HAUS4: variants seen among roughly 807,000 people sequenced by gnomAD.
HAUS4 encodes HAUS augmin-like complex subunit 4.
HAUS4 carries 34 observed loss-of-function variants against 50.6 expected under a neutral mutation model. The observed-to-expected ratio is 0.67, with a 90% CI of 0.51 to 0.90. HAUS4 has a LOEUF of 0.90. Among genes scored for constraint, HAUS4 ranks in the 40% least tolerant of loss-of-function variants. The pLI is 0.00. For missense variants in HAUS4, 370 were observed against 428.7 expected (o/e 0.86, Z 1.21); for synonymous variants, 149 against 161.4 (o/e 0.92, Z 0.58).
chr14:22,954,720 C>T (rs1235145890), intron 2 of HAUS4: 2 of 161,532 alleles, frequency 1.2e-5, no homozygotes, highest in African/African-American at 4.9e-5. Context: ...ACTGGGGAAA[C>T]TTATAAATCC....
At chr14:22,956,500 G>T (rs2044867205) in intron 1 of HAUS4, among the ~76,000 whole-genome samples, 1 of 152,234 alleles carries the variant, frequency 6.6e-6, no homozygotes, top group East Asian at 1.9e-4. Context: ...CCCCCCCTAG[G>T]GTAAGTGTCC....
chr14:22,950,643 C>T (rs528161711), intron 5 of HAUS4, among the ~76,000 whole-genome samples: 4 of 152,282 alleles, frequency 2.6e-5, no homozygotes, highest in Non-Finnish European at 5.9e-5. Flanking sequence ...TTCTGGATAG[C>T]AGTTTGGCAT....
At chr14:22,951,733 CTT>C (rs770403769) in intron 4 of HAUS4, 44 bp from the exon 5 acceptor site, 2 of 1,552,502 alleles carry the variant, frequency 1.3e-6, no homozygotes, top group Non-Finnish European at 1.7e-6. Context: ...AACTATAAAA[CTT>C]CTCCCACTCC....
At chr14:22,952,743 A>AT (rs1390062991) in intron 2 of HAUS4, 60 bp from the exon 3 acceptor site, 2 of 1,309,402 alleles carry the variant, frequency 1.5e-6, no homozygotes, top group African/African-American at 2.9e-5. Context: ...CTTACTTTAC[A>AT]TAACTGAGCA....
At chr14:22,953,514 C>T (rs1287538460) in intron 2 of HAUS4, among the ~76,000 whole-genome samples, 2 of 152,136 alleles carry the variant, frequency 1.3e-5, no homozygotes, top group Non-Finnish European at 2.9e-5. Flanking sequence ...GGCGTGATCT[C>T]GGCTCACTGC....
In HAUS4 at chr14:22,951,577, A is replaced by G; in HGVS notation, c.443T>C (p.Leu148Pro). ...AACCTCTGAGAGTGGCATGAGTTCCAGAAGGTCCGCTTTCTCCAGCCCCAG... is the reference window on the plus strand; with the variant it reads ...AACCTCTGAGAGTGGCATGAGTTCCGGAAGGTCCGCTTTCTCCAGCCCCAG... ...PLLGLEKADLLELMPLSEDFV... is the reference protein window; with the variant it reads ...PLLGLEKADLPELMPLSEDFV... Residue 148 changes from leucine (L) to proline (P), a missense_variant, in exon 5 of 10, where the codon CTG becomes CCG. Coordinates refer to ENST00000541587, the MANE Select transcript of HAUS4 (RefSeq NM_001166269.2). 1 of 1,614,038 alleles carries G rather than the reference A, an allele frequency of 6.2e-7. No individual in the cohort carries two copies. Among genetic ancestry groups the G allele is most frequent in the African/African-American group, 1.3e-5 (1 of 75,026 alleles).
At chr14:22,947,276 G>T in intron 8 of HAUS4, 37 bp from the exon 9 acceptor site, 1 of 1,389,674 alleles carries the variant, frequency 7.2e-7, no homozygotes, top group Non-Finnish European at 1.0e-6. Context: ...AGGCAGGAAG[G>T]TCCCTGATAG....
At chr14:22,947,835 A>T (rs754395106) in intron 7 of HAUS4, 33 bp downstream of exon 7, 113 of 1,611,228 alleles carry the variant, frequency 7.0e-5, no homozygotes, top group Non-Finnish European at 9.5e-5. Flanking sequence ...GGGTCAGGAT[A>T]AAGGAAAGGG....
At chr14:22,951,817 T>C (rs2044758455) in intron 4 of HAUS4, 128 bp from the exon 5 acceptor site, 2 of 787,366 alleles carry the variant, frequency 2.5e-6, no homozygotes, top group East Asian at 2.6e-5. Context: ...CCCCCTCAGA[T>C]AACTCAGCTG....
chr14:22,953,821 G>A (rs561885388), intron 2 of HAUS4, among the ~76,000 whole-genome samples: 12 of 150,474 alleles, frequency 8.0e-5, no homozygotes, highest in East Asian at 3.9e-4. Context: ...TAGTAGAGGC[G>A]GGGTTTCACC....
chr14:22,951,483 A>G, intron 5 of HAUS4, 72 bp downstream of exon 5: 4 of 1,550,632 alleles, frequency 2.6e-6, no homozygotes, highest in Non-Finnish European at 3.5e-6. Flanking sequence ...AAGCTTGACA[A>G]AAAAAACATT....
In HAUS4 at chr14:22,948,014, C is replaced by T. The variant is rs1239789912; in HGVS notation, c.563-1G>A. On this transcript the variant is annotated splice_acceptor_variant, in intron 6 of 9. Transcript: ENST00000541587. LOFTEE classifies it high-confidence loss of function. ...GCCTTCACGGTTTCACTGTCAGCAT[C>T]TGAGCAAAGGGGCAGAGGACTGACA... 6.2e-7 allele frequency: 1 copy of T among 1,606,776 alleles called. No individual in the cohort carries two copies. The highest frequency in any genetic ancestry group is 1.3e-5 in the African/African-American group (1 of 74,690).
intron 6 of HAUS4, among the ~76,000 whole-genome samples, chr14:22,949,226 C>T (rs542039637): frequency 6.7e-4 from 100 of 148,740 alleles, no homozygotes; most frequent in Admixed American, 4.1e-4. Flanking sequence ...TTATTATTTT[C>T]GTAAAAATGA....
chr14:22,946,815 G>A (rs545325779), intron 9 of HAUS4, 107 bp from the exon 10 acceptor site: 973 of 722,950 alleles, frequency 1.3e-3, no homozygotes, highest in Non-Finnish European at 1.6e-3. Context: ...ATGGAGTCTC[G>A]CTCTGTCACC....
chr14:22,953,148 A>C (rs980460269), intron 2 of HAUS4, among the ~76,000 whole-genome samples: 1 of 151,888 alleles, frequency 6.6e-6, no homozygotes, highest in Non-Finnish European at 1.5e-5. Flanking sequence ...TCAACTAACC[A>C]ATTTTTTTTT....
intron 6 of HAUS4, 21 bp from the exon 7 acceptor site, chr14:22,948,034 C>A (rs1168564503): frequency 1.3e-6 from 2 of 1,587,846 alleles, no homozygotes; most frequent in Admixed American, 1.8e-5. Context: ...GGGCAGAGGA[C>A]TGACAGGAAA....
At chr14:22,949,202 T>G (rs529361455) in intron 6 of HAUS4, among the ~76,000 whole-genome samples, 6 of 146,522 alleles carry the variant, frequency 4.1e-5, no homozygotes, top group African/African-American at 1.5e-4. Flanking sequence ...AAGTTCAGAC[T>G]CAGGTGTTAA....
In HAUS4 at chr14:22,952,583, A is replaced by G. The variant is rs761394238; in HGVS notation, c.156T>C (p.Asp52=). The G allele has an allele frequency of 2.5e-6, 4 of 1,613,892 alleles. No individual in the cohort carries two copies. Among genetic ancestry groups the G allele is most frequent in the Non-Finnish European group, 3.4e-6 (4 of 1,179,980 alleles). ...KLLLNLSQHV[D]ESGLSLTLAK... is the part of the protein sequence containing the mutation. ...CTAGGGTGAGGCTTAAGCCACTCTC[A>G]TCCACATGCTGTGAGAGATTCAGGA... Residue 52 remains aspartate, a synonymous_variant, in exon 3 of 10, where the codon GAT becomes GAC. Transcript: ENST00000541587.
intron 6 of HAUS4, among the ~76,000 whole-genome samples, chr14:22,949,389 C>T (rs1245132208): frequency 6.6e-6 from 1 of 151,486 alleles, no homozygotes; most frequent in Non-Finnish European, 1.5e-5. Context: ...ATTAGCCAGG[C>T]GTGGTGGCGG....
Sources: gnomAD v4.1 joint callset for allele counts (sites outside exome capture counted in the v4.1 genomes callset) on GRCh38, gnomAD v4.1.1 for gene constraint, MANE v1.5 for transcripts, NCBI Gene and HGNC (gene_info 2026-07-23, HGNC 2026-07-21) for gene names.